The following DPP10 variants were observed in gnomAD, a reference collection of about 807,000 sequenced individuals.
DPP10 encodes dipeptidyl peptidase like 10, also known as inactive dipeptidyl peptidase 10.
Under a neutral mutation model 120.9 loss-of-function variants are expected in DPP10, and 33 were observed. The ratio of observed to expected loss-of-function variants is 0.27; its 90% CI spans 0.21 to 0.37. DPP10 has a LOEUF of 0.37. Ranked by LOEUF, DPP10 falls within the 10% of genes least tolerant of loss-of-function variation. The pLI is 1.00. For missense variants in DPP10, 816 were observed against 942.8 expected, an observed-to-expected ratio of 0.87 and a Z score of 1.76; for synonymous variants, 337 against 326.1, an observed-to-expected ratio of 1.03 and a Z score of -0.36.
At chr2:115,363,756 T>C (rs2064924211) in intron 3 of DPP10, among the ~76,000 whole-genome samples, 1 of 152,246 alleles carries the variant, frequency 6.6e-6, no homozygotes, top group Non-Finnish European at 1.5e-5. Flanking sequence ...CTCTAGACTC[T>C]ATGACTTTGG....
chr2:115,222,123 C>T (rs936030389), intron 1 of DPP10, among the ~76,000 whole-genome samples: 17 of 152,134 alleles, frequency 1.1e-4, no homozygotes, highest in African/African-American at 2.4e-4. Context: ...GATTATGAAG[C>T]GTGGTACCAC....
intron 21 of DPP10, among the ~76,000 whole-genome samples, chr2:115,819,324 A>T (rs907448652): frequency 6.6e-6 from 1 of 152,206 alleles, no homozygotes; most frequent in Non-Finnish European, 1.5e-5. Context: ...CTTTTCAAGA[A>T]TATATACAAA....
chr2:114,774,251 A>T, intron 1 of DPP10, among the ~76,000 whole-genome samples: 1 of 152,188 alleles, frequency 6.6e-6, no homozygotes, highest in East Asian at 1.9e-4. Context: ...TGACACTCTA[A>T]TGTGAGTCTG....
At chr2:115,010,299 T>C (rs1558987234) in intron 1 of DPP10, among the ~76,000 whole-genome samples, 1 of 152,198 alleles carries the variant, frequency 6.6e-6, no homozygotes, top group Non-Finnish European at 1.5e-5. Flanking sequence ...CAGTCACATA[T>C]TGTTTGCGAC....
chr2:115,520,906 A>G (rs970380225), intron 4 of DPP10, among the ~76,000 whole-genome samples: 51 of 152,306 alleles, frequency 3.3e-4, no homozygotes, highest in African/African-American at 1.2e-3. Flanking sequence ...TAATAGGGAC[A>G]TTACCGTGGC....
chr2:115,777,493 G>A (rs72828585), intron 14 of DPP10, among the ~76,000 whole-genome samples, 194 bp downstream of exon 14: 13,235 of 150,924 alleles, frequency 0.088, 629 homozygotes, highest in South Asian at 0.13. Context: ...GTGTGCACAC[G>A]CACACACACA....
intron 1 of DPP10, among the ~76,000 whole-genome samples, chr2:115,134,173 A>G (rs2050528057): frequency 6.6e-6 from 1 of 152,040 alleles, no homozygotes; most frequent in African/African-American, 2.4e-5. Flanking sequence ...AAGAACAATA[A>G]TTCTTTCATA....
At chr2:115,455,932 A>G in intron 3 of DPP10, among the ~76,000 whole-genome samples, 1 of 152,192 alleles carries the variant, frequency 6.6e-6, no homozygotes, top group East Asian at 1.9e-4. Flanking sequence ...CTAAAACACT[A>G]AAAGCAATGG....
At chr2:114,771,038 C>A (rs1159820529) in intron 1 of DPP10, among the ~76,000 whole-genome samples, 1 of 152,210 alleles carries the variant, frequency 6.6e-6, no homozygotes, top group East Asian at 1.9e-4. Flanking sequence ...AAAGTCTAAA[C>A]ACTTACCCAC....
At chr2:114,929,086 C>T (rs1162859284) in intron 1 of DPP10, among the ~76,000 whole-genome samples, 1 of 152,060 alleles carries the variant, frequency 6.6e-6, no homozygotes, top group Non-Finnish European at 1.5e-5. Context: ...TCTGTGATGC[C>T]CCCTGAGCCA....
chr2:115,240,004 G>A lies in DPP10; in HGVS notation c.61-69235G>A, dbSNP rs557657841. 9.2e-5 allele frequency among the ~76,000 whole-genome samples: 14 copies of A among 152,298 alleles called. No homozygotes were observed. In the East Asian group the frequency reaches 2.5e-3, roughly 27 times the overall value. On this transcript the variant is annotated intron_variant, in intron 1 of 25. Transcript: ENST00000410059. ...CAGTTTCTTTATCCAGTCTATCATT[G>A]ATGGACATTAGAGTTGGTTCCAAGT...
chr2:115,740,564 A>T (rs2149693439), intron 9 of DPP10, among the ~76,000 whole-genome samples: 1 of 152,246 alleles, frequency 6.6e-6, no homozygotes, highest in Non-Finnish European at 1.5e-5. Flanking sequence ...AAATGCTGGT[A>T]TGGAGTCATA....
chr2:115,675,523 G>A (rs545575030), intron 5 of DPP10, among the ~76,000 whole-genome samples: 1 of 152,306 alleles, frequency 6.6e-6, no homozygotes, highest in South Asian at 2.1e-4. Context: ...AGGCATGGAA[G>A]CTTGAGATGG....
chr2:114,862,038 A>G (rs1318334566), intron 1 of DPP10, among the ~76,000 whole-genome samples: 1 of 152,202 alleles, frequency 6.6e-6, no homozygotes, highest in African/African-American at 2.4e-5. Flanking sequence ...TATTTTCATC[A>G]TCAGCCCAAT....
chr2:115,283,822 C>T (rs1486749192), intron 1 of DPP10, among the ~76,000 whole-genome samples: 2 of 151,970 alleles, frequency 1.3e-5, no homozygotes, highest in Admixed American at 6.6e-5. Context: ...TACCTTTTTA[C>T]ATTTAGGTAC....
In DPP10 at chr2:115,786,106, A is replaced by G. The variant is rs1018355744; in HGVS notation, c.1531+3707A>G. 2.6e-5 allele frequency among the ~76,000 whole-genome samples: 4 copies of G among 152,174 alleles called. No homozygotes were observed. In the East Asian group the frequency reaches 7.7e-4, roughly 29 times the overall value. On this transcript the variant is annotated intron_variant, in intron 17 of 25. Coordinates refer to ENST00000410059, the MANE Select transcript of DPP10 (RefSeq NM_020868.6). ...GGTAGTTTGATGTGCCTGAGGTTACACATAGACAGCGTAGTCCAATGGGAG... is the reference window on the plus strand; with the variant it reads ...GGTAGTTTGATGTGCCTGAGGTTACGCATAGACAGCGTAGTCCAATGGGAG...
At chr2:114,714,339 C>T (rs773267868) in intron 1 of DPP10, among the ~76,000 whole-genome samples, 41 of 152,270 alleles carry the variant, frequency 2.7e-4, no homozygotes, top group Non-Finnish European at 4.7e-4. Flanking sequence ...TATAATTCTA[C>T]ACTTTATTAA....
chr2:115,309,107 G>T, intron 1 of DPP10, 132 bp from the exon 2 acceptor site: 1 of 662,186 alleles, frequency 1.5e-6, no homozygotes, highest in East Asian at 2.7e-5. Flanking sequence ...ATAATTAAAT[G>T]AACTACTGAA....
intron 7 of DPP10, among the ~76,000 whole-genome samples, chr2:115,716,288 G>A (rs556363883): frequency 3.0e-4 from 46 of 152,226 alleles, no homozygotes; most frequent in African/African-American, 9.9e-4. Flanking sequence ...TGAGAATTAG[G>A]CATTACTCTG....
Sources: gnomAD v4.1 joint callset for allele counts (sites outside exome capture counted in the v4.1 genomes callset) on GRCh38, gnomAD v4.1.1 for gene constraint, MANE v1.5 for transcripts, NCBI Gene and HGNC (gene_info 2026-07-23, HGNC 2026-07-21) for gene names.